Variants in WDR44 observed in about 807,000 individuals in gnomAD.
WDR44 encodes WD repeat-containing protein 44.
In WDR44, 9 loss-of-function variants were observed where a neutral mutation model predicts 65.7. The observed-to-expected ratio is 0.14, with a 90% CI of 0.08 to 0.24. The LOEUF is 0.24. WDR44 is among the 10% of genes least tolerant of loss of function. The pLI is 1.00. For missense variants in WDR44, 425 were observed against 670.9 expected (o/e 0.63, Z 4.05); for synonymous variants, 220 against 235.2 (o/e 0.94, Z 0.59).
At chrX:118,419,527 G>A (rs185036794) in intron 12 of WDR44, among the ~76,000 whole-genome samples, 554 of 111,941 alleles carry the variant, frequency 4.9e-3, no homozygotes, top group Non-Finnish European at 8.8e-3. Flanking sequence ...CACAGTATTC[G>A]GGGTGTCTCC....
chrX:118,356,386 ATT>A (rs201419938), intron 1 of WDR44, among the ~76,000 whole-genome samples: 3 of 105,435 alleles, frequency 2.8e-5, no homozygotes, highest in African/African-American at 6.9e-5. Flanking sequence ...TTAATCCCAG[ATT>A]TTTTTTTTTC....
chrX:118,347,217 G>A (rs2056360114), intron 1 of WDR44, among the ~76,000 whole-genome samples: 1 of 112,065 alleles, frequency 8.9e-6, no homozygotes, highest in Admixed American at 9.5e-5. Context: ...GTCCCTATTA[G>A]GCAGAATGCG....
chrX:118,381,576 C>CTTT (rs371445545), intron 2 of WDR44, among the ~76,000 whole-genome samples: 73 of 87,160 alleles, frequency 8.4e-4, no homozygotes, highest in African/African-American at 3.0e-3. Context: ...GTTCTTTCTT[C>CTTT]TTTTTTTTTT....
intron 1 of WDR44, among the ~76,000 whole-genome samples, chrX:118,348,356 A>G (rs2056372319): frequency 8.9e-6 from 1 of 112,285 alleles, no homozygotes; most frequent in Non-Finnish European, 1.9e-5. Flanking sequence ...GATAGAATTG[A>G]TAGAGTCACT....
chrX:118,447,549 A>G (rs1446411950), intron 19 of WDR44, among the ~76,000 whole-genome samples: 1 of 111,023 alleles, frequency 9.0e-6, no homozygotes, highest in East Asian at 2.8e-4. Context: ...TGTGTAAAAT[A>G]ATGATGATAA....
In WDR44 at chrX:118,407,025, T is replaced by C; in HGVS notation, c.1532T>C (p.Met511Thr). 1 of 1,198,220 alleles carries C rather than the reference T, an allele frequency of 8.3e-7. No homozygotes were observed. The highest frequency in any genetic ancestry group is 1.8e-5 in the South Asian group (1 of 54,280). Residue 511 changes from methionine (M) to threonine (T), a missense_variant and splice_region_variant, in exon 10 of 20, where the codon ATG becomes ACG. Met to Thr is a moderately conservative substitution (Grantham distance 81). This residue lies in a region of WDR44 where 77 missense variants were observed against 183.5 expected (regional missense o/e 0.42). Coordinates refer to ENST00000254029, the MANE Select transcript of WDR44 (RefSeq NM_019045.5). ...GTGCAAGATCTTAGTGGTGAACATA[T>C]GGTAAGCAACTTTTTCATTTTTTAG... Reference protein sequence around the residue: ...KVVQDLSGEHMGAVWTMKFSH... With the variant: ...KVVQDLSGEHTGAVWTMKFSH...
chrX:118,359,194 T>C (rs1278526233), intron 1 of WDR44, among the ~76,000 whole-genome samples: 20 of 112,616 alleles, frequency 1.8e-4, no homozygotes, highest in South Asian at 3.6e-4. Context: ...GCATTAGATA[T>C]TGATTTCTCT....
Position 118,445,024 on chromosome X carries a change from G to A in WDR44, c.2647+530G>A, listed in dbSNP as rs1004396358. On this transcript the variant is annotated intron_variant, in intron 19 of 19. Transcript: ENST00000254029. ...AAAATGAGAAATTTGGGCCTGGTGCGGTGGCTCACACCTGTAATCCCAGCA... is the reference window on the plus strand; with the variant it reads ...AAAATGAGAAATTTGGGCCTGGTGCAGTGGCTCACACCTGTAATCCCAGCA... The A allele has an allele frequency of 4.9e-5, 16 of 327,310 alleles. No individual in the cohort carries two copies. In the East Asian group the frequency reaches 5.9e-4, roughly 12 times the overall value. The allele number at this position is 327,310 out of a possible 1,213,427, so 27.0% of individuals were successfully genotyped here.
At chrX:118,437,886 G>A (rs2057266777) in intron 14 of WDR44, among the ~76,000 whole-genome samples, 1 of 110,790 alleles carries the variant, frequency 9.0e-6, no homozygotes, top group Non-Finnish European at 1.9e-5. Context: ...AAATACAAAC[G>A]TTAGTCAGGC....
chrX:118,401,901 C>G (rs935778693), intron 8 of WDR44, among the ~76,000 whole-genome samples: 1 of 110,577 alleles, frequency 9.0e-6, no homozygotes, highest in African/African-American at 3.3e-5. Context: ...CTAGCCAATC[C>G]AGAAATCAGT....
intron 2 of WDR44, chrX:118,386,606 T>A (rs1160957767): frequency 7.3e-6 from 2 of 273,910 alleles, no homozygotes; most frequent in Non-Finnish European, 1.4e-5. Flanking sequence ...TGTTATAAAC[T>A]TTTGTATTTG....
chrX:118,378,579 T>C, intron 2 of WDR44, 127 bp downstream of exon 2: 1 of 563,571 alleles, frequency 1.8e-6, no homozygotes, highest in Non-Finnish European at 2.9e-6. Flanking sequence ...ATGTAGTCAT[T>C]ATGTCCTACT....
At chrX:118,363,635 G>C (rs1375710987) in intron 1 of WDR44, among the ~76,000 whole-genome samples, 1 of 111,042 alleles carries the variant, frequency 9.0e-6, no homozygotes, top group African/African-American at 3.3e-5. Context: ...TAAGTGACAG[G>C]ATGTATTTTT....
chrX:118,374,998 T>C (rs773352907), intron 1 of WDR44, among the ~76,000 whole-genome samples: 20 of 111,765 alleles, frequency 1.8e-4, no homozygotes, highest in African/African-American at 6.5e-4. Flanking sequence ...AAATAATAAA[T>C]TACTCTGTAT....
In WDR44 at chrX:118,440,136, G is replaced by A. The variant is rs5956994; in HGVS notation, c.1975-1232G>A. 5.4e-3 allele frequency among the ~76,000 whole-genome samples: 427 copies of A among 79,571 alleles called. 3 individuals carry two copies. Among genetic ancestry groups the A allele is most frequent in the African/African-American group, 0.025 (385 of 15,431 alleles). 69.1% of individuals were successfully genotyped at this position (79,571 alleles called of 115,157 possible). ...CCCCATCACCAAAAAAAAAAAAAAAGAAAGAAAGAAAGAAAAATTCTTATG... is the reference window on the plus strand; with the variant it reads ...CCCCATCACCAAAAAAAAAAAAAAAAAAAGAAAGAAAGAAAAATTCTTATG... On this transcript the variant is annotated intron_variant, in intron 14 of 19. Transcript: ENST00000254029.
rs769537915 is a variant in WDR44 at position 118,449,860 on chromosome X, C to T, written c.*873C>T. The T allele has an allele frequency of 1.8e-5, 2 of 112,061 alleles. No individual in the cohort carries two copies. The highest frequency in any genetic ancestry group is 7.4e-4 in the South Asian group (2 of 2,693). The allele number at this position is 112,061 out of a possible 1,213,427, so 9.2% of individuals were successfully genotyped here. Reference sequence around the variant, plus strand: ...TCAATATAATGTACCAATGAAATAACATCTGGGGCAATGAAACCCTGATCA... The same window carrying T: ...TCAATATAATGTACCAATGAAATAATATCTGGGGCAATGAAACCCTGATCA... On this transcript the variant is annotated 3_prime_UTR_variant, in exon 20 of 20. Transcript: ENST00000254029.
At chrX:118,375,936 C>T (rs756489638) in intron 1 of WDR44, among the ~76,000 whole-genome samples, 6 of 111,885 alleles carry the variant, frequency 5.4e-5, no homozygotes, top group Non-Finnish European at 9.4e-5. Context: ...TAAATGTCAG[C>T]TTTGGGTGTC....
intron 12 of WDR44, among the ~76,000 whole-genome samples, chrX:118,431,384 A>T (rs750071544): frequency 9.0e-6 from 1 of 111,211 alleles, no homozygotes; most frequent in South Asian, 3.8e-4. Context: ...GCTCACCGCA[A>T]CCTCCACCTC....
intron 2 of WDR44, among the ~76,000 whole-genome samples, chrX:118,380,430 A>G (rs1164302057): frequency 9.0e-6 from 1 of 111,522 alleles, no homozygotes; most frequent in East Asian, 2.8e-4. Context: ...TTCCATCTCT[A>G]TAATTTTGTC....
Sources: gnomAD v4.1 joint callset for allele counts (sites outside exome capture counted in the v4.1 genomes callset) on GRCh38, gnomAD v4.1.1 for gene constraint, gnomAD v4.1.1 regional missense constraint, MANE v1.5 for transcripts, NCBI Gene and HGNC (gene_info 2026-07-23, HGNC 2026-07-21) for gene names.